AFAP1: variants seen among roughly 807,000 people sequenced by gnomAD.
AFAP1 encodes the protein actin filament-associated protein 1.
In AFAP1, 75 loss-of-function variants were observed where a neutral mutation model predicts 93.9. The observed-to-expected ratio is 0.80, with a 90% confidence interval of 0.66 to 0.97. The LOEUF (loss-of-function observed/expected upper bound fraction) is 0.97, where lower values mean the gene tolerates loss of function less well. Ranked by LOEUF, AFAP1 falls within the 50% of genes least tolerant of loss-of-function variation. The pLI, the probability that AFAP1 is intolerant of heterozygous loss-of-function variation, is 0.00. For missense variants in AFAP1, 1,201 were observed against 1,050.8 expected (o/e 1.14, Z -1.98); for synonymous variants, 517 against 430.7 (o/e 1.20, Z -2.48).
chr4:7,810,850 A>T (rs1284994900), intron 8 of AFAP1, among the ~76,000 whole-genome samples: 1 of 152,112 alleles, frequency 6.6e-6, no homozygotes, highest in Non-Finnish European at 1.5e-5. Flanking sequence ...CCCACGATGG[A>T]GGCCCAGAGT....
At chr4:7,799,420 G>A (rs1309650444) in intron 10 of AFAP1, among the ~76,000 whole-genome samples, 1 of 152,168 alleles carries the variant, frequency 6.6e-6, no homozygotes, top group African/African-American at 2.4e-5. Flanking sequence ...GCCTGACTGG[G>A]CAGCCGTGGC....
chr4:7,772,544 G>A (rs1402989955), intron 16 of AFAP1: 1 of 361,956 alleles, frequency 2.8e-6, no homozygotes, highest in Non-Finnish European at 5.0e-6. Flanking sequence ...CACGAGGACT[G>A]GATCTGTTCT....
At chr4:7,861,302 A>G (rs553071704) in intron 3 of AFAP1, among the ~76,000 whole-genome samples, 1 of 152,204 alleles carries the variant, frequency 6.6e-6, no homozygotes, top group Admixed American at 6.5e-5. Context: ...GCCATCATCT[A>G]AACTTCCTGT....
intron 4 of AFAP1, among the ~76,000 whole-genome samples, chr4:7,853,324 CCTTT>C (rs1057187965): frequency 6.6e-6 from 1 of 151,448 alleles, no homozygotes; most frequent in Non-Finnish European, 1.5e-5. Flanking sequence ...CCCAAAATTC[CCTTT>C]CTTAGATGAT....
rs533929130 is a variant in AFAP1 at position 7,763,455 on chromosome 4, A to T, written c.*310T>A. 245 of 355,532 alleles carry T rather than the reference A, an allele frequency of 6.9e-4. 3 individuals are homozygous for T. Among genetic ancestry groups the T allele is most frequent in the South Asian group, 2.1e-3 (46 of 21,816 alleles). 22.0% of individuals were successfully genotyped at this position (355,532 alleles called of 1,614,324 possible). On this transcript the variant is annotated 3_prime_UTR_variant, in exon 18 of 18. Coordinates refer to ENST00000420658, the MANE Select transcript of AFAP1 (RefSeq NM_001134647.2). ...CCAGGGCTGGGTTGGAATCGGTGAA[A>T]GCAATGGCCTATCTGGTTAGAAAGA...
chr4:7,886,356 A>C (rs1352876416), intron 1 of AFAP1, among the ~76,000 whole-genome samples: 1 of 152,238 alleles, frequency 6.6e-6, no homozygotes, highest in Non-Finnish European at 1.5e-5. Context: ...AGGGAAAGCA[A>C]ATCAAATCTA....
At chr4:7,933,087 ATC>A in intron 1 of AFAP1, among the ~76,000 whole-genome samples, 1 of 149,530 alleles carries the variant, frequency 6.7e-6, no homozygotes, top group Middle Eastern at 3.5e-3. Flanking sequence ...AAAAATTGGT[ATC>A]TGTTAACCAG....
At chr4:7,873,586 G>A (rs1179294259) in intron 1 of AFAP1, among the ~76,000 whole-genome samples, 1 of 151,882 alleles carries the variant, frequency 6.6e-6, no homozygotes, top group Non-Finnish European at 1.5e-5. Flanking sequence ...CTGACCTCGT[G>A]ATCCACCCAT....
chr4:7,910,329 G>A (rs1719657026), intron 1 of AFAP1, among the ~76,000 whole-genome samples: 1 of 152,048 alleles, frequency 6.6e-6, no homozygotes, highest in South Asian at 2.1e-4. Flanking sequence ...AACCGGCCTG[G>A]TCACTTCTCT....
chr4:7,917,580 C>T (rs1276240027), intron 1 of AFAP1, among the ~76,000 whole-genome samples: 1 of 152,092 alleles, frequency 6.6e-6, no homozygotes, highest in Non-Finnish European at 1.5e-5. Flanking sequence ...ATGAAGAAGG[C>T]CGAAACAGAA....
chr4:7,831,815 C>T (rs939587711), intron 6 of AFAP1, among the ~76,000 whole-genome samples: 3 of 152,076 alleles, frequency 2.0e-5, no homozygotes, highest in East Asian at 3.9e-4. Context: ...AGCATGGGAT[C>T]GGGTGAAGAA....
At chr4:7,863,253 T>C (rs945700456) in intron 3 of AFAP1, among the ~76,000 whole-genome samples, 6 of 152,012 alleles carry the variant, frequency 3.9e-5, no homozygotes, top group African/African-American at 2.4e-5. Flanking sequence ...CCTGTCTCTA[T>C]TAAAAAGACA....
rs1713717843 is a variant in AFAP1, at chr4:7,761,093, C to T, written c.*2672G>A. On this transcript the variant is annotated 3_prime_UTR_variant, in exon 18 of 18. Transcript: ENST00000420658. ...TTTTGGGAGGGGAATAAAATGACATCACTGTCAGAATTCTGGCAAGATGGC... is the reference window on the plus strand; with the variant it reads ...TTTTGGGAGGGGAATAAAATGACATTACTGTCAGAATTCTGGCAAGATGGC... 3 of 152,386 alleles carry T rather than the reference C, an allele frequency of 2.0e-5. No homozygotes were observed. Among genetic ancestry groups the T allele is most frequent in the South Asian group, 4.1e-4 (2 of 4,834 alleles). 9.4% of individuals were successfully genotyped at this position (152,386 alleles called of 1,614,324 possible).
intron 17 of AFAP1, among the ~76,000 whole-genome samples, chr4:7,765,793 G>C (rs1714473460): frequency 6.6e-6 from 1 of 152,210 alleles, no homozygotes; most frequent in Non-Finnish European, 1.5e-5. Context: ...GCCTTGGAGA[G>C]GTTGCTTCAT....
chr4:7,766,590 T>A (rs1187889400), intron 17 of AFAP1, among the ~76,000 whole-genome samples: 1 of 125,476 alleles, frequency 8.0e-6, no homozygotes, highest in Non-Finnish European at 1.8e-5. Context: ...CAGGTGACTG[T>A]GTCACGGGAG....
In AFAP1 at chr4:7,819,146, C is replaced by A. The variant is rs746517292; in HGVS notation, c.752G>T (p.Cys251Phe). 2.5e-6 allele frequency: 4 copies of A among 1,613,510 alleles called. No individual in the cohort carries two copies. In the Admixed American group the frequency reaches 6.7e-5, roughly 27 times the overall value. Residue 251 changes from cysteine to phenylalanine, a missense_variant, in exon 7 of 18, where the codon TGT becomes TTT. Physicochemically the swap from Cys to Phe is radical, Grantham distance 205. Transcript: ENST00000420658. The part of the protein sequence containing the change: ...LKVIKEAYSG[C>F]SGPVDSECPP... ...ACACTCTGAATCCACGGGGCCACTA[C>A]AACCACTGTAGGCTTCTTTGATCAC...
intron 1 of AFAP1, among the ~76,000 whole-genome samples, chr4:7,889,667 C>T (rs1409005104): frequency 1.4e-5 from 2 of 143,600 alleles, no homozygotes; most frequent in African/African-American, 5.1e-5. Flanking sequence ...GTTTATTGTA[C>T]ATCAACTGTA....
In AFAP1 at chr4:7,770,347, C is replaced by T. The variant is rs77500360; in HGVS notation, c.2254-1339G>A. Among the ~76,000 whole-genome samples the T allele has an allele frequency of 2.7e-4, 41 of 152,196 alleles. 1 individual carries two copies. The East Asian group carries it at 7.8e-3, about 29-fold the overall frequency. The stretch of plus-strand genomic sequence containing the variant: ...AGTGGGCAGCTGTGCCGAAGGGCAC[C>T]GGAACCGGGGAGTGAGGACTAACAT... On this transcript the variant is annotated intron_variant, in intron 16 of 17. Coordinates refer to ENST00000420658, the MANE Select transcript of AFAP1 (RefSeq NM_001134647.2).
At chr4:7,933,040 A>AG (rs11412950) in intron 1 of AFAP1, among the ~76,000 whole-genome samples, 3,858 of 118,404 alleles carry the variant, frequency 0.033, 273 homozygotes, top group African/African-American at 0.046. Flanking sequence ...AAAAAAAAAA[A>AG]GGGGGGGGAT....
Sources: allele counts gnomAD v4.1 joint callset (sites outside exome capture counted in the v4.1 genomes callset), GRCh38; gene constraint gnomAD v4.1.1; transcripts MANE v1.5; gene names NCBI Gene and HGNC (gene_info 2026-07-23, HGNC 2026-07-21).